WDR4: variants seen among roughly 807,000 people sequenced by gnomAD.
The protein encoded by WDR4 is tRNA (guanine-N(7)-)-methyltransferase non-catalytic subunit WDR4.
A neutral mutation model predicts 48.6 loss-of-function variants in WDR4; 47 were observed. The observed-to-expected ratio is 0.97, with a 90% confidence interval of 0.77 to 1.23. WDR4 has a LOEUF of 1.23. WDR4 is among the 50% of genes most tolerant of loss of function. The pLI, the probability that WDR4 is intolerant of heterozygous loss-of-function variation, is 0.00. For synonymous variants in WDR4, 268 were observed against 230.0 expected (o/e 1.17, Z -1.49); for missense variants, 606 against 551.6 (o/e 1.10, Z -0.99).
At chr21:42,852,823 G>C (rs1045239787) in intron 9 of WDR4, among the ~76,000 whole-genome samples, 2 of 151,790 alleles carry the variant, frequency 1.3e-5, no homozygotes, top group Non-Finnish European at 2.9e-5. Context: ...GCTGAGGCAG[G>C]AGAATCACTT....
chr21:42,869,251 A>T (rs981432438), intron 3 of WDR4, among the ~76,000 whole-genome samples: 2 of 152,230 alleles, frequency 1.3e-5, no homozygotes, highest in African/African-American at 4.8e-5. Flanking sequence ...GTAGCATGAG[A>T]GGACACCGAA....
At chr21:42,874,362 T>C (rs912231336) in intron 2 of WDR4, among the ~76,000 whole-genome samples, 2 of 152,154 alleles carry the variant, frequency 1.3e-5, no homozygotes, top group East Asian at 1.9e-4. Flanking sequence ...CCTGTGATAA[T>C]TGCGTTGACT....
At chr21:42,877,918 G>A (rs2058534815) in intron 1 of WDR4, among the ~76,000 whole-genome samples, 1 of 151,816 alleles carries the variant, frequency 6.6e-6, no homozygotes, top group African/African-American at 2.4e-5. Context: ...GGTGGCAGGC[G>A]CCTGCAGTCC....
At chr21:42,867,980 GA>G (rs1334627062) in intron 3 of WDR4, among the ~76,000 whole-genome samples, 1 of 152,160 alleles carries the variant, frequency 6.6e-6, no homozygotes, top group African/African-American at 2.4e-5. Flanking sequence ...AACCAAGGAT[GA>G]AGAGGCCCCC....
In WDR4 at chr21:42,873,710, A is replaced by G. The variant is rs1187165843; in HGVS notation, c.156-19T>C. 1.2e-6 allele frequency: 2 copies of G among 1,610,644 alleles called. No individual in the cohort carries two copies. Among genetic ancestry groups the G allele is most frequent in the Middle Eastern group, 1.7e-4 (1 of 6,060 alleles). On this transcript the variant is annotated intron_variant, in intron 2 of 10. Coordinates refer to ENST00000398208, the MANE Select transcript of WDR4 (RefSeq NM_018669.6). ...GTCCTCCCTGAGGAAGAGAGGAGGA[A>G]GACGGTTAAGCTTCACCTAAGGAAA...
the WDR4 span, among the ~76,000 whole-genome samples, chr21:42,891,534 T>G: frequency 6.6e-6 from 1 of 151,802 alleles, no homozygotes; most frequent in Non-Finnish European, 1.5e-5. Context: ...TGAAGGAGGG[T>G]GACGTGGATC....
intron 1 of WDR4, among the ~76,000 whole-genome samples, chr21:42,877,589 G>C (rs922645524): frequency 6.6e-6 from 1 of 151,754 alleles, no homozygotes; most frequent in South Asian, 2.1e-4. Flanking sequence ...ATATTTCAGG[G>C]AACAGTTAAC....
downstream of WDR4, among the ~76,000 whole-genome samples, chr21:42,846,531 C>T (rs1377175701): frequency 1.3e-5 from 2 of 152,170 alleles, no homozygotes; most frequent in African/African-American, 2.4e-5. Flanking sequence ...CTCGGATGTA[C>T]AGTACGCACA....
chr21:42,863,613 A>G lies in WDR4; in HGVS notation c.297-17T>C. ...GCCACGGTCCTAGAAGGCCAGAAAG[A>G]CACCCCCATTAGCTTCCAGGAGCAG... is the stretch of plus-strand genomic sequence containing the variant. On this transcript the variant is annotated splice_polypyrimidine_tract_variant and intron_variant, in intron 3 of 10. Coordinates refer to ENST00000398208, the MANE Select transcript of WDR4 (RefSeq NM_018669.6). The G allele has an allele frequency of 6.2e-7, 1 of 1,607,224 alleles. No individual in the cohort carries two copies. The highest frequency in any genetic ancestry group is 1.3e-5 in the African/African-American group (1 of 74,614).
downstream of WDR4, among the ~76,000 whole-genome samples, chr21:42,846,527 T>G (rs13047974): frequency 0.17 from 25,325 of 152,140 alleles, 2,381 homozygotes; most frequent in Non-Finnish European, 0.21. Flanking sequence ...ACTTCTCGGA[T>G]GTACAGTACG....
chr21:42,850,279 C>A (rs755764853), intron 10 of WDR4, 37 bp from the exon 11 acceptor site: 2 of 1,554,540 alleles, frequency 1.3e-6, no homozygotes, highest in Middle Eastern at 1.8e-4. Context: ...CCAGGTGGGG[C>A]AGGAACATGG....
the WDR4 span, among the ~76,000 whole-genome samples, chr21:42,891,608 C>T: frequency 0.13 from 19,698 of 151,864 alleles, 1,273 homozygotes; most frequent in South Asian, 0.24. Flanking sequence ...GCACACCTCA[C>T]AAAGGCGAGC....
chr21:42,884,415 G>A (rs1023216742), upstream of WDR4, among the ~76,000 whole-genome samples: 5 of 151,904 alleles, frequency 3.3e-5, no homozygotes, highest in Non-Finnish European at 2.9e-5. Context: ...TTGGGAGGCC[G>A]AGGTGGGTGG....
intron 11 of WDR4, among the ~76,000 whole-genome samples, chr21:42,843,446 T>C (rs1473894191): frequency 2.4e-5 from 3 of 123,720 alleles, no homozygotes; most frequent in Admixed American, 1.0e-4. Context: ...ACCGTCACTC[T>C]GTCACCCAGG....
intron 3 of WDR4, among the ~76,000 whole-genome samples, chr21:42,867,670 T>C (rs1026410495): frequency 9.2e-5 from 14 of 152,092 alleles, no homozygotes; most frequent in African/African-American, 3.4e-4. Flanking sequence ...TTTTGGAGGA[T>C]TGTGAATTTC....
At chr21:42,879,842 C>T (rs2058592471), upstream of WDR4, 7 of 405,940 alleles carry the variant, frequency 1.7e-5, no homozygotes, top group South Asian at 6.1e-4. Flanking sequence ...GACGTAGGAC[C>T]TGATGATGGC....
chr21:42,852,707 G>GTCAA (rs2057866486), intron 9 of WDR4, among the ~76,000 whole-genome samples: 1 of 152,150 alleles, frequency 6.6e-6, no homozygotes, highest in Admixed American at 6.5e-5. Flanking sequence ...CCTGAGGGTG[G>GTCAA]GAGTTCAAGA....
In WDR4 at chr21:42,849,951, G is replaced by C. The variant is rs984638629; in HGVS notation, c.*98C>G. 3 of 1,482,842 alleles carry C rather than the reference G, an allele frequency of 2.0e-6. No homozygotes were observed. In the Admixed American group the frequency reaches 5.9e-5, roughly 29 times the overall value. The allele number at this position is 1,482,842 out of a possible 1,614,324, so 91.9% of individuals were successfully genotyped here. A position where few individuals can be genotyped will look rare whatever the true frequency, so the allele number is the denominator to read the frequency against. ...ATCCTCTGAGCTGGTCACAACTGAT[G>C]TCACCTTTTCCTTCTTGAAGGGACA... On this transcript the variant is annotated 3_prime_UTR_variant, in exon 11 of 11. Transcript: ENST00000398208.
intron 3 of WDR4, among the ~76,000 whole-genome samples, chr21:42,867,994 C>G (rs2058286324): frequency 6.6e-6 from 1 of 152,208 alleles, no homozygotes; most frequent in Non-Finnish European, 1.5e-5. Flanking sequence ...AGGCCCCCCA[C>G]CCGCCCAGCC....
Sources: allele counts gnomAD v4.1 joint callset (sites outside exome capture counted in the v4.1 genomes callset), GRCh38; gene constraint gnomAD v4.1.1; transcripts MANE v1.5; gene names NCBI Gene and HGNC (gene_info 2026-07-23, HGNC 2026-07-21).